Variants in ABCA12 observed in about 807,000 individuals in gnomAD.
The protein encoded by ABCA12 is glucosylceramide transporter ABCA12.
ABCA12 carries 156 observed loss-of-function variants against 293.5 expected under a neutral mutation model. The observed-to-expected ratio is 0.53, with a 90% confidence interval of 0.47 to 0.61. The LOEUF is 0.61. Ranked by LOEUF, ABCA12 falls within the 20% of genes least tolerant of loss-of-function variation. The probability of loss-of-function intolerance (pLI) is 0.00; values close to 1 mark genes in which losing one functional copy is unlikely to be tolerated. For synonymous variants in ABCA12, 1,063 were observed against 1,108.0 expected, an observed-to-expected ratio of 0.96 and a Z score of 0.81; for missense variants, 2,797 against 3,090.2, an observed-to-expected ratio of 0.91 and a Z score of 2.25.
At chr2:215,111,839 A>T in intron 1 of ABCA12, 149 bp from the exon 2 acceptor site, 1 of 654,096 alleles carries the variant, frequency 1.5e-6, no homozygotes, top group Non-Finnish European at 2.7e-6. Context: ...AAAGTGAATG[A>T]GAGATTTTTT....
intron 39 of ABCA12, chr2:214,963,181 TAAGAA>T (rs1450729784): frequency 1.3e-5 from 2 of 150,594 alleles, no homozygotes; most frequent in Non-Finnish European, 3.0e-5. Flanking sequence ...GACTAACAAA[TAAGAA>T]AAGAGAGAAG....
At chr2:215,101,386 C>T (rs1461910508) in intron 2 of ABCA12, among the ~76,000 whole-genome samples, 4 of 152,164 alleles carry the variant, frequency 2.6e-5, no homozygotes, top group African/African-American at 9.7e-5. Flanking sequence ...CTCACCACCA[C>T]CTCCAACTCC....
intron 7 of ABCA12, among the ~76,000 whole-genome samples, chr2:215,041,531 G>A (rs867944080): frequency 6.3e-5 from 9 of 143,754 alleles, no homozygotes; most frequent in South Asian, 2.1e-4. Flanking sequence ...CAGCCTGGGC[G>A]ACAGAGCGAG....
chr2:215,054,509 C>T, intron 4 of ABCA12, 64 bp downstream of exon 4: 1 of 1,352,930 alleles, frequency 7.4e-7, no homozygotes, highest in Middle Eastern at 1.8e-4. Context: ...ATAAACCTTT[C>T]AAAGATTAGA....
chr2:215,085,100 A>AC, intron 2 of ABCA12, among the ~76,000 whole-genome samples: 1 of 151,818 alleles, frequency 6.6e-6, no homozygotes, highest in East Asian at 1.9e-4. Context: ...AAAAAAAAAA[A>AC]AAAAAACAGA....
intron 3 of ABCA12, among the ~76,000 whole-genome samples, chr2:215,057,436 T>C (rs1701441370): frequency 6.6e-6 from 1 of 152,004 alleles, no homozygotes; most frequent in Non-Finnish European, 1.5e-5. Flanking sequence ...GTAATCCCTT[T>C]AGAATCCTAG....
chr2:215,032,169 A>C (rs1700892963), intron 8 of ABCA12: 1 of 1,222,356 alleles, frequency 8.2e-7, no homozygotes, highest in Non-Finnish European at 1.1e-6. Flanking sequence ...AAGCCACTAC[A>C]TTATTTTATC....
At chr2:215,112,679 G>A (rs1443775586) in intron 1 of ABCA12, among the ~76,000 whole-genome samples, 1 of 151,742 alleles carries the variant, frequency 6.6e-6, no homozygotes, top group Admixed American at 6.6e-5. Flanking sequence ...TGTATTTTTA[G>A]TAGAGATGAG....
At chr2:215,110,639 G>A (rs921486901) in intron 2 of ABCA12, among the ~76,000 whole-genome samples, 1 of 152,180 alleles carries the variant, frequency 6.6e-6, no homozygotes, top group African/African-American at 2.4e-5. Flanking sequence ...AGCCTATTGA[G>A]CATGATTCAC....
At chr2:214,977,967 C>A (rs945467960) in intron 33 of ABCA12, among the ~76,000 whole-genome samples, 6 of 145,466 alleles carry the variant, frequency 4.1e-5, no homozygotes, top group African/African-American at 1.5e-4. Flanking sequence ...ACTTGGTAAT[C>A]TTGTCCATTG....
intron 14 of ABCA12, among the ~76,000 whole-genome samples, chr2:215,016,049 C>T (rs1700489900): frequency 6.6e-6 from 1 of 151,570 alleles, no homozygotes; most frequent in African/African-American, 2.4e-5. Flanking sequence ...GAGGCGGAGG[C>T]AGGAGAATGA....
chr2:215,025,424 T>C, intron 11 of ABCA12: 2 of 435,776 alleles, frequency 4.6e-6, no homozygotes, highest in South Asian at 4.8e-5. Flanking sequence ...GCCTCCTGAG[T>C]AGCTGGAATT....
intron 6 of ABCA12, among the ~76,000 whole-genome samples, chr2:215,049,046 T>G (rs1193844108): frequency 6.6e-6 from 1 of 152,128 alleles, no homozygotes; most frequent in Admixed American, 6.6e-5. Flanking sequence ...AAAAAATAAC[T>G]ACTGAGTACT....
intron 8 of ABCA12, chr2:215,032,106 T>C: frequency 1.4e-6 from 2 of 1,419,928 alleles, no homozygotes; most frequent in Admixed American, 2.7e-5. Flanking sequence ...CTGATCAAAA[T>C]AATCCCGATG....
At chr2:214,971,917 T>C (rs553702906) in intron 36 of ABCA12, among the ~76,000 whole-genome samples, 6 of 152,314 alleles carry the variant, frequency 3.9e-5, no homozygotes, top group African/African-American at 1.4e-4. Context: ...TGTTAACACT[T>C]AGAATTTTTC....
At chr2:215,055,871 G>A (rs186688195) in intron 3 of ABCA12, among the ~76,000 whole-genome samples, 100 of 152,068 alleles carry the variant, frequency 6.6e-4, no homozygotes, top group African/African-American at 2.3e-3. Flanking sequence ...TGCTGACTAC[G>A]TGATGGGAAA....
chr2:215,040,344 CAT>C (rs1428408070), intron 7 of ABCA12, among the ~76,000 whole-genome samples: 3 of 152,112 alleles, frequency 2.0e-5, no homozygotes, highest in Non-Finnish European at 2.9e-5. Flanking sequence ...ATAAAGAAAA[CAT>C]ATAAATAGCC....
intron 1 of ABCA12, among the ~76,000 whole-genome samples, chr2:215,128,124 C>T (rs969788379): frequency 1.3e-5 from 2 of 152,124 alleles, no homozygotes; most frequent in African/African-American, 4.8e-5. Context: ...AAAGATAGGG[C>T]CTCAATCTCT....
intron 18 of ABCA12, among the ~76,000 whole-genome samples, chr2:215,009,677 T>A (rs1442316137): frequency 6.6e-6 from 1 of 152,164 alleles, no homozygotes; most frequent in Non-Finnish European, 1.5e-5. Flanking sequence ...AATAATGTTA[T>A]GTTCATATAA....
Sources: allele counts gnomAD v4.1 joint callset (sites outside exome capture counted in the v4.1 genomes callset), GRCh38; gene constraint gnomAD v4.1.1; transcripts MANE v1.5; gene names NCBI Gene and HGNC (gene_info 2026-07-23, HGNC 2026-07-21).